Variants in PDE1A observed in about 807,000 individuals in gnomAD.
PDE1A encodes dual specificity calcium/calmodulin-dependent 3',5'-cyclic nucleotide phosphodiesterase 1A.
Under a neutral mutation model 61.7 loss-of-function variants are expected in PDE1A, and 35 were observed. The ratio of observed to expected loss-of-function variants is 0.57; its 90% CI spans 0.43 to 0.75. The LOEUF (loss-of-function observed/expected upper bound fraction) is 0.75. Among genes scored for constraint, PDE1A ranks in the 30% least tolerant of loss-of-function variants. The probability of loss-of-function intolerance (pLI) is 0.00; values close to 1 mark genes in which losing one functional copy is unlikely to be tolerated. For missense variants in PDE1A, 597 were observed against 630.6 expected, an observed-to-expected ratio of 0.95 and a Z score of 0.57; for synonymous variants, 232 against 213.2, an observed-to-expected ratio of 1.09 and a Z score of -0.77.
exon 3 of PDE1A, chr2:182,240,201 G>T (rs1252203134): frequency 6.2e-7 from 1 of 1,613,666 alleles, no homozygotes; most frequent in Non-Finnish European, 8.5e-7. Flanking sequence ...CCCATTTTCC[G>T]TGTAAAGGTA....
At chr2:182,311,647 T>A (rs981783588) in intron 1 of PDE1A, among the ~76,000 whole-genome samples, 3 of 152,206 alleles carry the variant, frequency 2.0e-5, no homozygotes, top group African/African-American at 7.2e-5. Flanking sequence ...ATGGCCTCTA[T>A]CAGAAGTTTG....
chr2:182,626,165 T>C, the PDE1A span, among the ~76,000 whole-genome samples: 1 of 152,140 alleles, frequency 6.6e-6, no homozygotes. Flanking sequence ...TCTGATTTGC[T>C]CCCATGAATT....
the PDE1A span, among the ~76,000 whole-genome samples, chr2:182,566,443 T>G: frequency 1.3e-5 from 2 of 151,622 alleles, no homozygotes; most frequent in African/African-American, 4.8e-5. Context: ...GAGGGAAAGA[T>G]TTCAGCAATT....
chr2:182,153,705 T>C (rs115327853), intron 13 of PDE1A, among the ~76,000 whole-genome samples: 2 of 152,274 alleles, frequency 1.3e-5, no homozygotes, highest in Non-Finnish European at 1.5e-5. Flanking sequence ...ACTTTATCTC[T>C]TGTAAAGAGT....
chr2:182,291,987 T>C (rs1694565466), intron 1 of PDE1A, among the ~76,000 whole-genome samples: 1 of 152,122 alleles, frequency 6.6e-6, no homozygotes, highest in South Asian at 2.1e-4. Context: ...TGACTGTTAC[T>C]TGTAGTTTAA....
At chr2:182,495,703 G>A (rs1160745756) in intron 2 of PDE1A, among the ~76,000 whole-genome samples, 3 of 152,070 alleles carry the variant, frequency 2.0e-5, no homozygotes, top group Non-Finnish European at 4.4e-5. Context: ...AGCCACCCCC[G>A]CTCCTTCAAG....
chr2:182,236,901 C>T (rs1690064644), intron 3 of PDE1A, among the ~76,000 whole-genome samples: 1 of 152,140 alleles, frequency 6.6e-6, no homozygotes, highest in African/African-American at 2.4e-5. Flanking sequence ...AAAACTTTCC[C>T]ATTATCATAC....
At chr2:182,657,553 C>T in the PDE1A span, among the ~76,000 whole-genome samples, 1 of 152,132 alleles carries the variant, frequency 6.6e-6, no homozygotes, top group African/African-American at 2.4e-5. Flanking sequence ...CTAATCCATG[C>T]CCATCTTTTC....
chr2:182,458,704 T>G (rs1290585957), intron 2 of PDE1A, among the ~76,000 whole-genome samples: 1 of 152,100 alleles, frequency 6.6e-6, no homozygotes, highest in Non-Finnish European at 1.5e-5. Context: ...TTTATCACCC[T>G]GCCTCTGATT....
intron 1 of PDE1A, among the ~76,000 whole-genome samples, chr2:182,265,875 T>C (rs1314261469): frequency 6.6e-6 from 1 of 152,200 alleles, no homozygotes; most frequent in Admixed American, 6.5e-5. Context: ...TTCAGAGGTA[T>C]TGCAAAAGAG....
intron 4 of PDE1A, among the ~76,000 whole-genome samples, chr2:182,234,182 A>T (rs1689815637): frequency 6.6e-6 from 1 of 152,144 alleles, no homozygotes. Context: ...AAGAAAAAAA[A>T]CACACGTGTG....
chr2:182,470,417 A>C (rs1230076138), intron 2 of PDE1A, among the ~76,000 whole-genome samples: 1 of 151,896 alleles, frequency 6.6e-6, no homozygotes, highest in Non-Finnish European at 1.5e-5. Flanking sequence ...CAATTCTCCA[A>C]ATATTAATTG....
At chr2:182,634,369 T>C in the PDE1A span, among the ~76,000 whole-genome samples, 1 of 152,170 alleles carries the variant, frequency 6.6e-6, no homozygotes, top group African/African-American at 2.4e-5. Flanking sequence ...CAATTTTTAT[T>C]GTTTAATGTG....
At chr2:182,467,238 T>C (rs1686734050) in intron 2 of PDE1A, among the ~76,000 whole-genome samples, 1 of 151,702 alleles carries the variant, frequency 6.6e-6, no homozygotes, top group Admixed American at 6.6e-5. Flanking sequence ...ACAGATTTTA[T>C]GGACAGTAAA....
chr2:182,413,247 C>G (rs1360501595), intron 1 of PDE1A, among the ~76,000 whole-genome samples: 1 of 152,044 alleles, frequency 6.6e-6, no homozygotes, highest in Non-Finnish European at 1.5e-5. Context: ...TGGCAAATTA[C>G]AAATGAAAGG....
At chr2:182,553,898 G>A in the PDE1A span, among the ~76,000 whole-genome samples, 1 of 152,238 alleles carries the variant, frequency 6.6e-6, no homozygotes, top group Non-Finnish European at 1.5e-5. Flanking sequence ...CTGGAATGGT[G>A]GGTGCATGCC....
At chr2:182,477,513 GGT>G (rs1351067977) in intron 2 of PDE1A, among the ~76,000 whole-genome samples, 2 of 151,810 alleles carry the variant, frequency 1.3e-5, no homozygotes, top group Non-Finnish European at 2.9e-5. Context: ...ATGTGAATCT[GGT>G]GTGCTTGGCT....
the PDE1A span, among the ~76,000 whole-genome samples, chr2:182,552,439 G>GTTTT: frequency 8.1e-5 from 10 of 122,884 alleles, no homozygotes; most frequent in Non-Finnish European, 1.2e-4. Flanking sequence ...GCTACACAAA[G>GTTTT]TTTTTTTTTT....
chr2:182,185,749 T>A, intron 13 of PDE1A, 143 bp downstream of exon 13: 1 of 1,459,826 alleles, frequency 6.9e-7, no homozygotes, highest in South Asian at 1.3e-5. Context: ...TTCTCATGAA[T>A]GATCAAAGAG....
Sources: gnomAD v4.1 joint callset for allele counts (sites outside exome capture counted in the v4.1 genomes callset) on GRCh38, gnomAD v4.1.1 for gene constraint, MANE v1.5 for transcripts, NCBI Gene and HGNC (gene_info 2026-07-23, HGNC 2026-07-21) for gene names.